Variants in UNC5D observed in about 807,000 individuals in gnomAD.
UNC5D encodes the protein unc-5 netrin receptor D.
In UNC5D, 39 loss-of-function variants were observed where a neutral mutation model predicts 105.4. That is an observed-to-expected ratio of 0.37 (90% CI 0.29 to 0.48). The LOEUF (loss-of-function observed/expected upper bound fraction) is 0.48, where lower values mean the gene tolerates loss of function less well. Among genes scored for constraint, UNC5D ranks in the 20% least tolerant of loss-of-function variants. The pLI, the probability that UNC5D is intolerant of heterozygous loss-of-function variation, is 0.98. For missense variants in UNC5D, 991 were observed against 1,202.4 expected (o/e 0.82, Z 2.60); for synonymous variants, 452 against 450.4 (o/e 1.00, Z -0.04).
intron 4 of UNC5D, among the ~76,000 whole-genome samples, chr8:35,656,251 A>T (rs1318367912): frequency 6.6e-6 from 1 of 152,002 alleles, no homozygotes; most frequent in Non-Finnish European, 1.5e-5. Flanking sequence ...TGTTCAACAA[A>T]ACACACTTTA....
intron 1 of UNC5D, among the ~76,000 whole-genome samples, chr8:35,490,643 A>G (rs925600355): frequency 6.6e-6 from 1 of 152,222 alleles, no homozygotes; most frequent in African/African-American, 2.4e-5. Context: ...AATATATTTA[A>G]GCATACTATG....
chr8:35,769,693 G>A (rs7830643), intron 15 of UNC5D, among the ~76,000 whole-genome samples: 13,036 of 152,058 alleles, frequency 0.086, 1,529 homozygotes, highest in African/African-American at 0.27. Flanking sequence ...GGCTGGGTGC[G>A]GTGGCTGATG....
intron 1 of UNC5D, among the ~76,000 whole-genome samples, chr8:35,402,454 A>G (rs978292379): frequency 2.0e-5 from 3 of 152,022 alleles, no homozygotes; most frequent in African/African-American, 7.3e-5. Flanking sequence ...TGCACCTGTG[A>G]TTGAATTATC....
chr8:35,596,020 A>G (rs1225080138), intron 4 of UNC5D, among the ~76,000 whole-genome samples: 1 of 152,230 alleles, frequency 6.6e-6, no homozygotes, highest in Non-Finnish European at 1.5e-5. Flanking sequence ...AGGCAAACAC[A>G]CATGAAAAAG....
chr8:35,352,208 T>C (rs1194048021), intron 1 of UNC5D, among the ~76,000 whole-genome samples: 1 of 152,046 alleles, frequency 6.6e-6, no homozygotes, highest in South Asian at 2.1e-4. Flanking sequence ...TATTGACACA[T>C]AAGATGGTTA....
intron 1 of UNC5D, among the ~76,000 whole-genome samples, chr8:35,358,556 G>A (rs2058122230): frequency 6.6e-6 from 1 of 152,114 alleles, no homozygotes; most frequent in Non-Finnish European, 1.5e-5. Flanking sequence ...CATACCTAGG[G>A]TGATGGGTTG....
In UNC5D at chr8:35,790,490, C is replaced by T. The variant is rs199798586; in HGVS notation, c.2789C>T (p.Thr930Met). The T allele has an allele frequency of 6.1e-5, 98 of 1,613,898 alleles. No individual in the cohort carries two copies. The highest frequency in any genetic ancestry group is 7.6e-5 in the Non-Finnish European group (90 of 1,179,868). The change falls in exon 17 of 17, where the codon ACG becomes ATG. Residue 930 changes from threonine (T) to methionine (M), a missense_variant. By Grantham distance (81) the Thr-to-Met change is moderately conservative. Coordinates refer to ENST00000404895, the MANE Select transcript of UNC5D (RefSeq NM_080872.4). ...CTTGAAGAGATTGGGAGGACACACA[C>T]GAAACTCTCAAACATTTCAGAATCC... ...CALEEIGRTH[T>M]KLSNISESQL...
intron 1 of UNC5D, among the ~76,000 whole-genome samples, chr8:35,278,622 A>G (rs1413202482): frequency 6.6e-6 from 1 of 152,066 alleles, no homozygotes; most frequent in Non-Finnish European, 1.5e-5. Context: ...TTATATATGT[A>G]TATGGTATAC....
chr8:35,411,381 G>A (rs1419408020), intron 1 of UNC5D, among the ~76,000 whole-genome samples: 2 of 152,134 alleles, frequency 1.3e-5, no homozygotes, highest in African/African-American at 2.4e-5. Flanking sequence ...AATTGGATGA[G>A]TCCTACCTAA....
At chr8:35,691,978 T>C (rs920002597) in intron 7 of UNC5D, among the ~76,000 whole-genome samples, 2 of 152,148 alleles carry the variant, frequency 1.3e-5, no homozygotes, top group Non-Finnish European at 2.9e-5. Flanking sequence ...GTAGTGAGAC[T>C]AAAGCTAGAG....
intron 4 of UNC5D, among the ~76,000 whole-genome samples, chr8:35,660,414 A>T (rs142768654): frequency 7.2e-5 from 11 of 152,272 alleles, no homozygotes; most frequent in Non-Finnish European, 1.0e-4. Context: ...TGTAACCATG[A>T]CTTCATGGTA....
chr8:35,435,182 T>C lies in UNC5D; in HGVS notation c.104-114110T>C, dbSNP rs542876396. Among the ~76,000 whole-genome samples the C allele has an allele frequency of 1.1e-4, 16 of 152,266 alleles. 1 individual carries two copies. Among genetic ancestry groups the C allele is most frequent in the African/African-American group, 3.8e-4 (16 of 41,582 alleles). ...TCTATTTTATATATAATTACCAATA[T>C]GGTAAATTCTTAATTTTGTTTTGAA... On this transcript the variant is annotated intron_variant, in intron 1 of 16. Coordinates refer to ENST00000404895, the MANE Select transcript of UNC5D (RefSeq NM_080872.4).
chr8:35,510,700 C>G (rs2130349683), intron 1 of UNC5D, among the ~76,000 whole-genome samples: 1 of 152,232 alleles, frequency 6.6e-6, no homozygotes, highest in African/African-American at 2.4e-5. Context: ...GGCCTGCTGT[C>G]TATAAGTTCG....
At chr8:35,659,358 A>G (rs751714353) in intron 4 of UNC5D, among the ~76,000 whole-genome samples, 45 of 152,356 alleles carry the variant, frequency 3.0e-4, no homozygotes, top group East Asian at 1.2e-3. Context: ...TTTGAGATCA[A>G]TTTTGTGAAA....
intron 1 of UNC5D, among the ~76,000 whole-genome samples, chr8:35,457,575 T>C (rs1313456933): frequency 6.6e-6 from 1 of 152,178 alleles, no homozygotes; most frequent in Admixed American, 6.6e-5. Context: ...TTGGAATATG[T>C]TCTTGTCTTT....
intron 1 of UNC5D, among the ~76,000 whole-genome samples, chr8:35,309,482 G>C (rs1011037545): frequency 6.6e-6 from 1 of 152,148 alleles, no homozygotes. Context: ...TGTTAACTGG[G>C]AAATATGTGT....
intron 1 of UNC5D, among the ~76,000 whole-genome samples, chr8:35,350,016 A>G (rs1203864750): frequency 6.6e-6 from 1 of 152,022 alleles, no homozygotes; most frequent in Non-Finnish European, 1.5e-5. Flanking sequence ...AAAACAGCAC[A>G]TAATATTCTT....
At chr8:35,265,411 C>G (rs1362319765) in intron 1 of UNC5D, among the ~76,000 whole-genome samples, 1 of 152,036 alleles carries the variant, frequency 6.6e-6, no homozygotes. Context: ...ACCAGCATGT[C>G]AATTCTGCTG....
Position 35,540,731 on chromosome 8 carries a change from C to T in UNC5D, c.104-8561C>T, listed in dbSNP as rs1455029941. Among the ~76,000 whole-genome samples the T allele has an allele frequency of 4.0e-5, 6 of 151,804 alleles. 1 individual carries two copies. The South Asian group carries it at 6.3e-4, about 16-fold the overall frequency. ...CTGGTGTAGAATCTCTGGCTTAGAT[C>T]CAATTTGAGAGGCCAGTTTTGGAGA... On this transcript the variant is annotated intron_variant, in intron 1 of 16. Coordinates refer to ENST00000404895, the MANE Select transcript of UNC5D (RefSeq NM_080872.4).
Sources: allele counts gnomAD v4.1 joint callset (sites outside exome capture counted in the v4.1 genomes callset), GRCh38; gene constraint gnomAD v4.1.1; transcripts MANE v1.5; gene names NCBI Gene and HGNC (gene_info 2026-07-23, HGNC 2026-07-21).